PPFIA2: variants seen among roughly 807,000 people sequenced by gnomAD.
PPFIA2 encodes liprin-alpha-2.
Under a neutral mutation model 175.5 loss-of-function variants are expected in PPFIA2, and 46 were observed. The observed-to-expected ratio is 0.26, with a 90% CI of 0.21 to 0.34. The LOEUF (loss-of-function observed/expected upper bound fraction) is 0.34, where lower values mean the gene tolerates loss of function less well. Ranked by LOEUF, PPFIA2 falls within the 10% of genes least tolerant of loss-of-function variation. PPFIA2 has a pLI of 1.00. For synonymous variants in PPFIA2, 568 were observed against 511.4 expected (o/e 1.11, Z -1.49); for missense variants, 1,179 against 1,506.1 (o/e 0.78, Z 3.60).
At chr12:81,262,121 C>T in intron 31 of PPFIA2, 81 bp from the exon 32 acceptor site, 35 of 975,726 alleles carry the variant, frequency 3.6e-5, no homozygotes, top group Non-Finnish European at 5.1e-5. Flanking sequence ...ATTTTCCCTG[C>T]ATACAGGGAT....
chr12:81,620,403 G>C lies in PPFIA2; in HGVS notation c.303+56388C>G, dbSNP rs1035327137. 2.0e-5 allele frequency among the ~76,000 whole-genome samples: 3 copies of C among 152,168 alleles called. No individual in the cohort carries two copies. In the South Asian group the frequency reaches 6.2e-4, roughly 32 times the overall value. On this transcript the variant is annotated intron_variant, in intron 4 of 32. Coordinates refer to ENST00000549396, the MANE Select transcript of PPFIA2 (RefSeq NM_003625.5). ...TCAAAATTTTCCTCTGGATCCAGAA[G>C]GGATGTTATAATGGATGTTTTAATG...
chr12:81,750,966 T>C (rs1235283952), intron 3 of PPFIA2, among the ~76,000 whole-genome samples: 1 of 152,154 alleles, frequency 6.6e-6, no homozygotes, highest in Non-Finnish European at 1.5e-5. Flanking sequence ...ATGGTAGTTA[T>C]TTTCACCTTC....
rs140109990 is a variant in PPFIA2, at chr12:81,619,569, T to A, written c.303+57222A>T. The stretch of plus-strand genomic sequence containing the variant: ...AAATAATTTTTCTGGAACAATAAAT[T>A]TAAGTAAGATCTTCATTATTTTTGC... On this transcript the variant is annotated intron_variant, in intron 4 of 32. Transcript: ENST00000549396. Among the ~76,000 whole-genome samples, 148 of 152,222 alleles carry A rather than the reference T, an allele frequency of 9.7e-4. 3 individuals carry two copies. The Middle Eastern group carries it at 0.017, about 18-fold the overall frequency.
chr12:81,355,412 C>T (rs776580960), intron 16 of PPFIA2, among the ~76,000 whole-genome samples: 1 of 152,150 alleles, frequency 6.6e-6, no homozygotes, highest in Non-Finnish European at 1.5e-5. Flanking sequence ...CTAGGATTTT[C>T]AGCATAGTGA....
At chr12:81,650,987 A>C (rs2066937982) in intron 4 of PPFIA2, among the ~76,000 whole-genome samples, 1 of 152,218 alleles carries the variant, frequency 6.6e-6, no homozygotes, top group Non-Finnish European at 1.5e-5. Flanking sequence ...TTCAATTATT[A>C]CAGATACAGA....
intron 4 of PPFIA2, among the ~76,000 whole-genome samples, chr12:81,655,571 T>C (rs577516647): frequency 4.5e-4 from 69 of 152,094 alleles, no homozygotes; most frequent in African/African-American, 1.6e-3. Context: ...GAAGTGTCTA[T>C]CTTGTTTTCC....
intron 22 of PPFIA2, among the ~76,000 whole-genome samples, chr12:81,321,073 G>GAGA (rs59934095): frequency 6.6e-6 from 1 of 151,020 alleles, no homozygotes; most frequent in Admixed American, 6.6e-5. Context: ...GAGAGAGAGA[G>GAGA]GAAAAAGAAA....
intron 8 of PPFIA2, among the ~76,000 whole-genome samples, chr12:81,396,022 C>T (rs1024386447): frequency 6.6e-6 from 1 of 152,034 alleles, no homozygotes. Context: ...TCCCTCAATT[C>T]ATTTTCAGCA....
At chr12:81,527,881 C>T (rs974300783) in intron 4 of PPFIA2, among the ~76,000 whole-genome samples, 2 of 152,050 alleles carry the variant, frequency 1.3e-5, no homozygotes, top group African/African-American at 4.8e-5. Flanking sequence ...ATCTGCTGGG[C>T]TTTCACCAGA....
chr12:81,660,126 TA>T (rs2068548089), intron 4 of PPFIA2, among the ~76,000 whole-genome samples: 2 of 152,080 alleles, frequency 1.3e-5, no homozygotes, highest in African/African-American at 4.8e-5. Flanking sequence ...CTGAAAATTC[TA>T]AAAATCAGAG....
At chr12:81,587,312 T>C (rs2153437016) in intron 4 of PPFIA2, among the ~76,000 whole-genome samples, 1 of 152,076 alleles carries the variant, frequency 6.6e-6, no homozygotes, top group South Asian at 2.1e-4. Flanking sequence ...CTGATGGTTT[T>C]ATAAATGCTT....
At chr12:81,649,854 G>C (rs2066743311) in intron 4 of PPFIA2, among the ~76,000 whole-genome samples, 1 of 152,122 alleles carries the variant, frequency 6.6e-6, no homozygotes, top group South Asian at 2.1e-4. Flanking sequence ...ACAAAAAGTA[G>C]ATCAATGGTT....
chr12:81,622,458 T>C (rs771775460), intron 4 of PPFIA2, among the ~76,000 whole-genome samples: 3 of 152,046 alleles, frequency 2.0e-5, no homozygotes, highest in Non-Finnish European at 4.4e-5. Context: ...GAATTTTCAA[T>C]TAAATTTATA....
At chr12:81,663,708 C>CA (rs1156916869) in intron 4 of PPFIA2, among the ~76,000 whole-genome samples, 2 of 151,978 alleles carry the variant, frequency 1.3e-5, no homozygotes, top group Non-Finnish European at 1.5e-5. Context: ...CATATGGAAC[C>CA]AAAAAAGAGC....
intron 3 of PPFIA2, among the ~76,000 whole-genome samples, chr12:81,717,270 C>T (rs550793097): frequency 7.1e-6 from 1 of 139,942 alleles, no homozygotes; most frequent in Admixed American, 7.4e-5. Flanking sequence ...TTTGATGTGG[C>T]ATGAAACAGT....
At chr12:81,368,265 T>A in intron 13 of PPFIA2, 1 of 768,464 alleles carries the variant, frequency 1.3e-6, no homozygotes. Flanking sequence ...TCCTAAACCC[T>A]CTACTGGGAT....
intron 3 of PPFIA2, among the ~76,000 whole-genome samples, chr12:81,743,434 A>AC (rs1203170600): frequency 1.3e-5 from 2 of 149,394 alleles, no homozygotes; most frequent in African/African-American, 2.5e-5. Flanking sequence ...AAAAAAAAAA[A>AC]AAAAAAAAAA....
At chr12:81,663,619 G>T (rs557227432) in intron 4 of PPFIA2, among the ~76,000 whole-genome samples, 4 of 152,090 alleles carry the variant, frequency 2.6e-5, no homozygotes, top group Admixed American at 6.6e-5. Flanking sequence ...CTGCCCAAGG[G>T]AATTTATAGA....
chr12:81,603,605 G>T (rs2153458323), intron 4 of PPFIA2, among the ~76,000 whole-genome samples: 1 of 151,312 alleles, frequency 6.6e-6, no homozygotes, highest in Admixed American at 6.6e-5. Flanking sequence ...ATTAATTTAG[G>T]CTTATTAATT....
Sources: allele counts gnomAD v4.1 joint callset (sites outside exome capture counted in the v4.1 genomes callset), GRCh38; gene constraint gnomAD v4.1.1; transcripts MANE v1.5; gene names NCBI Gene and HGNC (gene_info 2026-07-23, HGNC 2026-07-21).